The following MAP7 variants were observed in gnomAD, a reference collection of about 807,000 sequenced individuals.
The protein encoded by MAP7 is microtubule associated protein 7.
A neutral mutation model predicts 94.8 loss-of-function variants in MAP7; 52 were observed. The observed-to-expected ratio is 0.55, with a 90% CI of 0.44 to 0.69. The LOEUF is 0.69. MAP7 is among the 30% of genes least tolerant of loss of function. MAP7 has a pLI of 0.00. For synonymous variants in MAP7, 350 were observed against 357.0 expected (o/e 0.98, Z 0.22); for missense variants, 940 against 964.6 (o/e 0.97, Z 0.34).
At chr6:136,546,532 C>T (rs1467163187) in intron 1 of MAP7, among the ~76,000 whole-genome samples, 3 of 152,162 alleles carry the variant, frequency 2.0e-5, no homozygotes, top group Admixed American at 1.3e-4. Context: ...AGTTCCACCA[C>T]TTTTTAAAAT....
chr6:136,526,006 T>C (rs763345945), intron 1 of MAP7: 1 of 1,487,492 alleles, frequency 6.7e-7, no homozygotes, highest in South Asian at 1.3e-5. Flanking sequence ...TGTGATTATA[T>C]TAAAAATATA....
At chr6:136,387,490 T>C (rs996776586) in intron 5 of MAP7, among the ~76,000 whole-genome samples, 2 of 152,146 alleles carry the variant, frequency 1.3e-5, no homozygotes, top group Non-Finnish European at 2.9e-5. Context: ...CAGATCTACG[T>C]CTATGCGCTA....
chr6:136,348,959 G>A (rs1309741478), intron 16 of MAP7, among the ~76,000 whole-genome samples: 1 of 152,164 alleles, frequency 6.6e-6, no homozygotes, highest in Non-Finnish European at 1.5e-5. Context: ...ATCTGTATAG[G>A]CAGCAGAGCT....
intron 1 of MAP7, among the ~76,000 whole-genome samples, chr6:136,494,717 G>A (rs765110622): frequency 1.3e-5 from 2 of 152,116 alleles, no homozygotes; most frequent in African/African-American, 2.4e-5. Flanking sequence ...TGTATTGACA[G>A]GATATAGACA....
At chr6:136,450,758 T>C (rs932590229) in intron 1 of MAP7, among the ~76,000 whole-genome samples, 4 of 151,314 alleles carry the variant, frequency 2.6e-5, no homozygotes, top group African/African-American at 9.7e-5. Flanking sequence ...CACTCCAACC[T>C]GGGCAACAAG....
At chr6:136,392,490 A>C (rs1324185695) in intron 3 of MAP7, among the ~76,000 whole-genome samples, 1 of 143,802 alleles carries the variant, frequency 7.0e-6, no homozygotes, top group Non-Finnish European at 1.5e-5. Context: ...GCTATATAGT[A>C]TTTTATTGTC....
intron 1 of MAP7, among the ~76,000 whole-genome samples, chr6:136,495,817 A>T (rs906663164): frequency 7.9e-5 from 12 of 152,322 alleles, no homozygotes; most frequent in African/African-American, 2.9e-4. Context: ...TTTCAAGTTT[A>T]TATTACGGTT....
At position 136,356,849 on chromosome 6, in the gene MAP7, C is replaced by T. The variant is rs956981212; in HGVS notation, c.1913-55G>A. 4 of 1,419,324 alleles carry T rather than the reference C, an allele frequency of 2.8e-6. No individual in the cohort carries two copies. In the Admixed American group the frequency reaches 7.1e-5, roughly 25 times the overall value. 87.9% of individuals were successfully genotyped at this position (1,419,324 alleles called of 1,614,324 possible). ...GGTTACTAATATTCTTTTCTTAGAC[C>T]TAACCTCCAAGAGCCAGAATGCCTT... On this transcript the variant is annotated intron_variant, in intron 15 of 17. Transcript: ENST00000354570.
intron 1 of MAP7, among the ~76,000 whole-genome samples, chr6:136,491,240 A>C: frequency 6.6e-6 from 1 of 152,324 alleles, no homozygotes; most frequent in South Asian, 2.1e-4. Flanking sequence ...CTTTGTGTTA[A>C]GCTGAACAAC....
chr6:136,374,396 T>C (rs1050490795), intron 7 of MAP7, among the ~76,000 whole-genome samples: 9 of 152,146 alleles, frequency 5.9e-5, no homozygotes, highest in Non-Finnish European at 1.3e-4. Context: ...ATTTAAGAAA[T>C]AACATCCTGG....
chr6:136,486,581 C>T (rs1417191587), intron 1 of MAP7, among the ~76,000 whole-genome samples: 1 of 152,178 alleles, frequency 6.6e-6, no homozygotes, highest in East Asian at 1.9e-4. Flanking sequence ...TCTCAGAGAG[C>T]CACAGCAGAC....
chr6:136,395,246 T>C (rs1782100036), intron 3 of MAP7, among the ~76,000 whole-genome samples: 1 of 151,782 alleles, frequency 6.6e-6, no homozygotes, highest in South Asian at 2.1e-4. Context: ...TTTTGTCTTT[T>C]TGATAATAGC....
At chr6:136,356,644 G>A in intron 16 of MAP7, 48 bp downstream of exon 16, 1 of 1,422,470 alleles carries the variant, frequency 7.0e-7, no homozygotes, top group Non-Finnish European at 9.9e-7. Context: ...GGAGCTGGTG[G>A]GTAAAAACAG....
At chr6:136,510,456 C>A (rs1311874479) in intron 1 of MAP7, among the ~76,000 whole-genome samples, 1 of 152,054 alleles carries the variant, frequency 6.6e-6, no homozygotes, top group Admixed American at 6.6e-5. Flanking sequence ...TGACAAAACA[C>A]CAGTGAGTGG....
At chr6:136,507,315 G>A (rs1821834079) in intron 1 of MAP7, among the ~76,000 whole-genome samples, 1 of 151,588 alleles carries the variant, frequency 6.6e-6, no homozygotes, top group Admixed American at 6.6e-5. Context: ...TGGAGGCCAA[G>A]CAGAAGATCC....
At chr6:136,525,299 G>A (rs939443809) in intron 1 of MAP7, among the ~76,000 whole-genome samples, 4 of 152,050 alleles carry the variant, frequency 2.6e-5, no homozygotes, top group African/African-American at 7.2e-5. Context: ...CTCCACATTC[G>A]CCCTCAATGT....
intron 1 of MAP7, among the ~76,000 whole-genome samples, chr6:136,456,813 GAAGAAGAAGGAA>G (rs1339080228): frequency 1.2e-5 from 1 of 83,008 alleles, no homozygotes; most frequent in African/African-American, 4.4e-5. Flanking sequence ...AGAAGAAGAA[GAAGAAGAAGGAA>G]GAAGAAGAAG....
At chr6:136,546,312 C>CTT (rs1354610962) in intron 1 of MAP7, among the ~76,000 whole-genome samples, 3 of 145,168 alleles carry the variant, frequency 2.1e-5, no homozygotes, top group African/African-American at 7.6e-5. Context: ...TGCCTCTGGC[C>CTT]TTTTTTTTTT....
At chr6:136,541,322 A>T (rs118001395) in intron 1 of MAP7, among the ~76,000 whole-genome samples, 1,940 of 152,276 alleles carry the variant, frequency 0.013, 17 homozygotes, top group Non-Finnish European at 0.022. Flanking sequence ...ATTTAAACTG[A>T]TCCTAGAGAA....
Sources: allele counts gnomAD v4.1 joint callset (sites outside exome capture counted in the v4.1 genomes callset), GRCh38; gene constraint gnomAD v4.1.1; transcripts MANE v1.5; gene names NCBI Gene and HGNC (gene_info 2026-07-23, HGNC 2026-07-21).